SLC25A23: variants seen among roughly 807,000 people sequenced by gnomAD.
The protein encoded by SLC25A23 is mitochondrial adenyl nucleotide antiporter SLC25A23.
In SLC25A23, 32 loss-of-function variants were observed where a neutral mutation model predicts 53.9. The ratio of observed to expected loss-of-function variants is 0.59; its 90% confidence interval spans 0.45 to 0.80. SLC25A23 has a LOEUF of 0.80. Ranked by LOEUF, SLC25A23 falls within the 30% of genes least tolerant of loss-of-function variation. The probability of loss-of-function intolerance (pLI) is 0.00; values close to 1 mark genes in which losing one functional copy is unlikely to be tolerated. For synonymous variants in SLC25A23, 275 were observed against 264.5 expected, an observed-to-expected ratio of 1.04 and a Z score of -0.38; for missense variants, 575 against 651.4, an observed-to-expected ratio of 0.88 and a Z score of 1.28.
Position 6,456,486 on chromosome 19 carries a change from G to A in SLC25A23, c.417C>T (p.Arg139=), listed in dbSNP as rs79304508. Residue 139 remains arginine, a synonymous_variant, in exon 4 of 10, where the codon CGC becomes CGT. Coordinates refer to ENST00000301454, the MANE Select transcript of SLC25A23 (RefSeq NM_024103.3). Reference sequence around the variant, plus strand: ...CCAGCGAATGCAACAGGAAGTGGTCGCGCCATTCTTGCCAGTCAATGGTCA... The same window carrying A: ...CCAGCGAATGCAACAGGAAGTGGTCACGCCATTCTTGCCAGTCAATGGTCA... The part of the protein sequence containing the change: ...GTMTIDWQEW[R]DHFLLHSLEN... 6.2e-3 allele frequency: 9,988 copies of A among 1,613,746 alleles called. 561 individuals carry two copies. The African/African-American group carries it at 0.12, about 19-fold the overall frequency.
chr19:6,457,947 T>G (rs2092703926), intron 2 of SLC25A23, among the ~76,000 whole-genome samples: 1 of 152,126 alleles, frequency 6.6e-6, no homozygotes, highest in Non-Finnish European at 1.5e-5. Context: ...AGGGTATCTT[T>G]GCCCCATAGA....
downstream of SLC25A23, among the ~76,000 whole-genome samples, chr19:6,437,882 T>C (rs348339): frequency 0.58 from 83,786 of 145,400 alleles, 25,040 homozygotes; most frequent in African/African-American, 0.74. Flanking sequence ...CTGGCTAACA[T>C]GGTGAAACCC....
chr19:6,442,212 C>T, intron 9 of SLC25A23, 53 bp from the exon 10 acceptor site: 1 of 1,283,208 alleles, frequency 7.8e-7, no homozygotes, highest in Non-Finnish European at 1.1e-6. Flanking sequence ...CCTTTCACTT[C>T]CCCCTCCTAC....
downstream of SLC25A23, chr19:6,438,775 GA>G (rs761840560): frequency 3.0e-6 from 1 of 334,386 alleles, no homozygotes; most frequent in South Asian, 2.2e-5. Flanking sequence ...CTTGAACCTG[GA>G]AGGCAGAGGT....
rs1347105763 is a variant in SLC25A23, at chr19:6,459,157, G to A, written c.156+316C>T. 1.3e-5 allele frequency among the ~76,000 whole-genome samples: 2 copies of A among 152,272 alleles called. No individual in the cohort carries two copies. The highest frequency in any genetic ancestry group is 2.9e-5 in the Non-Finnish European group (2 of 68,000). ...GTGAGAGCAGGGCACGTCATGGGCT[G>A]TGCAGTCTGGAGGAGGGTGTGTCCC... On this transcript the variant is annotated intron_variant, in intron 1 of 9. Coordinates refer to ENST00000301454, the MANE Select transcript of SLC25A23 (RefSeq NM_024103.3). This position sits in a 1 kb window ranked among gnomAD's most constrained non-coding sequence, Gnocchi z 4.6.
chr19:6,448,441 C>T (rs55782715), intron 8 of SLC25A23, among the ~76,000 whole-genome samples: 1,610 of 150,852 alleles, frequency 0.011, 32 homozygotes, highest in African/African-American at 0.038. Flanking sequence ...TAAAGACGGC[C>T]GGGTGTGGTG....
At position 6,448,191 on chromosome 19, in the gene SLC25A23, T is replaced by TTTCC. The variant is rs779282179; in HGVS notation, c.1072-3894_1072-3891dup. ...GGCTGGGAGAGGCTTATAGGTTTCA[T>TTTCC]TTCCTATGCCAATTCTAATCCACCA... On this transcript the variant is annotated intron_variant, in intron 8 of 9. Coordinates refer to ENST00000301454, the MANE Select transcript of SLC25A23 (RefSeq NM_024103.3). Among the ~76,000 whole-genome samples, 46 of 152,338 alleles carry TTTCC rather than the reference T, an allele frequency of 3.0e-4. 1 individual carries two copies. The highest frequency in any genetic ancestry group is 4.1e-4 in the Non-Finnish European group (28 of 68,040).
chr19:6,459,780 G>C lies in SLC25A23; in HGVS notation c.-152C>G. On this transcript the variant is annotated 5_prime_UTR_variant, in exon 1 of 10. Transcript: ENST00000301454. This position sits in a 1 kb window ranked among gnomAD's most constrained non-coding sequence, Gnocchi z 4.6. ...CAGTCCGCTCGGCTCTGGCACTTGC[G>C]GGAGGTGGTGACGGCTAGCCGTCGC... 1.7e-6 allele frequency: 1 copy of C among 581,736 alleles called. No homozygotes were observed. Among genetic ancestry groups the C allele is most frequent in the Non-Finnish European group, 2.4e-6 (1 of 410,200 alleles). The allele number at this position is 581,736 out of a possible 1,614,324, so 36.0% of individuals were successfully genotyped here. A position where few individuals can be genotyped will look rare whatever the true frequency, so the allele number is the denominator to read the frequency against.
At position 6,442,080 on chromosome 19, in the gene SLC25A23, G is replaced by A. The variant is rs777809961; in HGVS notation, c.1302C>T (p.Leu434=). The change falls in exon 10 of 10, where the codon CTC becomes CTT. Residue 434 remains leucine, a synonymous_variant. Transcript: ENST00000301454. The part of the protein sequence containing the change: ...HILSQEGMRG[L]YRGIAPNFMK... ...TGAAGTTGGGGGCGATCCCCCGGTA[G>A]AGGCCCCGCATGCCCTCCTGGGACA... 5 of 1,613,054 alleles carry A rather than the reference G, an allele frequency of 3.1e-6. No homozygotes were observed. Among genetic ancestry groups the A allele is most frequent in the Non-Finnish European group, 4.2e-6 (5 of 1,179,568 alleles).
At chr19:6,452,166 C>T in intron 8 of SLC25A23, 146 bp downstream of exon 8, 1 of 1,155,632 alleles carries the variant, frequency 8.7e-7, no homozygotes, top group Non-Finnish European at 1.2e-6. Flanking sequence ...CCCCAGGATT[C>T]CCAGGGCCAA....
rs1208310153 is a variant in SLC25A23 at position 6,441,933 on chromosome 19, G to T, written c.*42C>A. On this transcript the variant is annotated 3_prime_UTR_variant, in exon 10 of 10. Transcript: ENST00000301454. ...TGGATCATCAGTCTCCAGTGGCTGAGGTGTGGGGGGTGAGGGATTGGGGGG... is the reference window on the plus strand; with the variant it reads ...TGGATCATCAGTCTCCAGTGGCTGATGTGTGGGGGGTGAGGGATTGGGGGG... 2 of 1,581,894 alleles carry T rather than the reference G, an allele frequency of 1.3e-6. No individual in the cohort carries two copies. The highest frequency in any genetic ancestry group is 1.1e-5 in the South Asian group (1 of 89,756).
intron 1 of SLC25A23, 67 bp from the exon 2 acceptor site, chr19:6,458,391 C>T: frequency 2.0e-6 from 3 of 1,538,410 alleles, no homozygotes; most frequent in Non-Finnish European, 2.6e-6. Flanking sequence ...GGACGCATGT[C>T]ACCTTATGCC....
chr19:6,442,532 G>C (rs1374640143), intron 9 of SLC25A23, among the ~76,000 whole-genome samples: 1 of 152,056 alleles, frequency 6.6e-6, no homozygotes, highest in African/African-American at 2.4e-5. Flanking sequence ...TCTAAGTCAG[G>C]CTCCTCCCTG....
At chr19:6,445,755 G>A (rs1451027530) in intron 8 of SLC25A23, among the ~76,000 whole-genome samples, 2 of 152,016 alleles carry the variant, frequency 1.3e-5, no homozygotes, top group South Asian at 2.1e-4. Context: ...ATTAAAAACA[G>A]CAACAGCAAC....
chr19:6,443,826 G>A (rs2144807253), intron 9 of SLC25A23, among the ~76,000 whole-genome samples: 1 of 152,162 alleles, frequency 6.6e-6, no homozygotes, highest in South Asian at 2.1e-4. Flanking sequence ...CCCTACCCCT[G>A]TTCCTAGCCT....
In SLC25A23 at chr19:6,441,591, C is replaced by G. The variant is rs1348147348; in HGVS notation, c.*384G>C. The stretch of plus-strand genomic sequence containing the variant: ...GGGCACAGGGAAGCGTGGGATCCAC[C>G]TTAGGATGTGGGGCTGCAGGATCCA... On this transcript the variant is annotated 3_prime_UTR_variant, in exon 10 of 10. Transcript: ENST00000301454. 7 of 271,246 alleles carry G rather than the reference C, an allele frequency of 2.6e-5. No individual in the cohort carries two copies. The highest frequency in any genetic ancestry group is 3.6e-5 in the Non-Finnish European group (5 of 138,970). 16.8% of individuals were successfully genotyped at this position (271,246 alleles called of 1,614,324 possible).
chr19:6,454,558 C>T lies in SLC25A23; in HGVS notation c.642+1G>A. On this transcript the variant is annotated splice_donor_variant, in intron 5 of 9. Coordinates refer to ENST00000301454, the MANE Select transcript of SLC25A23 (RefSeq NM_024103.3). LOFTEE classifies it high-confidence loss of function. The surrounding 1 kb of genome is among the most constrained non-coding windows in gnomAD (Gnocchi z 4.3). ...GGGCAGGTCTCTCCAGAGCCCCTCA[C>T]CTGCATGAAGACCTTGAGGCGGTCC... is the stretch of plus-strand genomic sequence containing the variant. 1.2e-6 allele frequency: 2 copies of T among 1,613,628 alleles called. No homozygotes were observed. Among genetic ancestry groups the T allele is most frequent in the Non-Finnish European group, 1.7e-6 (2 of 1,179,852 alleles).
chr19:6,436,561 T>TC, downstream of SLC25A23: 1 of 414,914 alleles, frequency 2.4e-6, no homozygotes. Flanking sequence ...TTTTTTTTTT[T>TC]TCTTTGAGAC....
Position 6,458,311 on chromosome 19 carries a change from T to C in SLC25A23, c.170A>G (p.Glu57Gly), listed in dbSNP as rs1242787229. 25 of 1,612,606 alleles carry C rather than the reference T, an allele frequency of 1.6e-5. No homozygotes were observed. The highest frequency in any genetic ancestry group is 1.6e-4 in the Middle Eastern group (1 of 6,082). Residue 57 changes from glutamate (E) to glycine (G), a missense_variant, in exon 2 of 10, where the codon GAG (glutamate) becomes GGG (glycine). Coordinates refer to ENST00000301454, the MANE Select transcript of SLC25A23 (RefSeq NM_024103.3). ...CCCGCCATCTGGGTCAGCATCACCC[T>C]CAGAGGAGATACCCTGACAGAGGGA... is the stretch of plus-strand genomic sequence containing the variant. ...DPGAQQGISS[E>G]GDADPDGGLD...
Sources: gnomAD v4.1 joint callset for allele counts (sites outside exome capture counted in the v4.1 genomes callset) on GRCh38, gnomAD v4.1.1 for gene constraint, Gnocchi (gnomAD v3.1) non-coding constraint, MANE v1.5 for transcripts, NCBI Gene and HGNC (gene_info 2026-07-23, HGNC 2026-07-21) for gene names.